The following HLCS variants were observed in gnomAD, a reference collection of about 807,000 sequenced individuals.
HLCS encodes biotin--protein ligase.
A neutral mutation model predicts 75.0 loss-of-function variants in HLCS; 53 were observed. That is an observed-to-expected ratio of 0.71 (90% confidence interval 0.57 to 0.89). The LOEUF (loss-of-function observed/expected upper bound fraction) is 0.89. Ranked by LOEUF, HLCS falls within the 40% of genes least tolerant of loss-of-function variation. HLCS has a pLI of 0.00. For synonymous variants in HLCS, 431 were observed against 428.6 expected (o/e 1.01, Z -0.07); for missense variants, 966 against 1,074.0 (o/e 0.90, Z 1.41).
At chr21:36,855,892 TAA>T (rs1278378351) in intron 6 of HLCS, among the ~76,000 whole-genome samples, 4 of 152,144 alleles carry the variant, frequency 2.6e-5, no homozygotes, top group Non-Finnish European at 5.9e-5. Flanking sequence ...ATATTTGTTA[TAA>T]AAAGAGATAT....
chr21:36,824,407 A>G (rs1313101433), intron 6 of HLCS, among the ~76,000 whole-genome samples: 1 of 152,176 alleles, frequency 6.6e-6, no homozygotes, highest in Non-Finnish European at 1.5e-5. Flanking sequence ...ACATGGACAC[A>G]GGGAGGGGAA....
chr21:36,803,938 A>T (rs928470544), intron 6 of HLCS: 11 of 152,270 alleles, frequency 7.2e-5, no homozygotes, highest in African/African-American at 2.7e-4. Context: ...CCAGACCATG[A>T]GCTTTTAGGG....
At chr21:36,861,945 C>A (rs370872200) in intron 6 of HLCS, among the ~76,000 whole-genome samples, 1 of 152,296 alleles carries the variant, frequency 6.6e-6, no homozygotes, top group East Asian at 1.9e-4. Context: ...TCCTCCACCC[C>A]CCTCAACCAA....
At chr21:36,855,222 A>G (rs997208854) in intron 6 of HLCS, among the ~76,000 whole-genome samples, 1 of 152,142 alleles carries the variant, frequency 6.6e-6, no homozygotes, top group Non-Finnish European at 1.5e-5. Flanking sequence ...TCGTTTATAT[A>G]ATGTATAAAT....
In HLCS at chr21:36,785,237, A is replaced by G. The variant is rs117240262; in HGVS notation, c.1893-17952T>C. On this transcript the variant is annotated intron_variant, in intron 6 of 10. Transcript: ENST00000674895. The stretch of plus-strand genomic sequence containing the variant: ...TGCCAGAGATCAACCAACACGCCAG[A>G]GCTCGTTTGCCGGGATGCTTAGCAC... 6.0e-4 allele frequency among the ~76,000 whole-genome samples: 92 copies of G among 152,156 alleles called. 3 individuals are homozygous for G. The East Asian group carries it at 0.017, about 28-fold the overall frequency.
intron 2 of HLCS, among the ~76,000 whole-genome samples, chr21:36,956,279 C>T (rs764276431): frequency 6.6e-5 from 10 of 151,830 alleles, no homozygotes; most frequent in Non-Finnish European, 1.2e-4. Context: ...GTAGTTCTAG[C>T]GGTGAGTTCA....
intron 2 of HLCS, among the ~76,000 whole-genome samples, chr21:36,954,727 T>C (rs1450253377): frequency 1.4e-5 from 2 of 147,718 alleles, no homozygotes; most frequent in African/African-American, 5.0e-5. Context: ...TTTTAGAGTG[T>C]ACTCCTTCTA....
At chr21:36,938,009 A>T (rs1229017578) in intron 3 of HLCS, among the ~76,000 whole-genome samples, 1 of 152,216 alleles carries the variant, frequency 6.6e-6, no homozygotes, top group Non-Finnish European at 1.5e-5. Flanking sequence ...CTGATAAGGG[A>T]CATTTATTTG....
At position 36,937,236 on chromosome 21, in the gene HLCS, C is replaced by T. The variant is rs1457679125; in HGVS notation, c.650G>A (p.Gly217Asp). Residue 217 changes from glycine to aspartate, a missense_variant, in exon 4 of 11, where the codon GGT becomes GAT. Coordinates refer to ENST00000674895, the MANE Select transcript of HLCS (RefSeq NM_001352514.2). ...GCCTCTCCTTTGTTTGGGTTCTTCA[C>T]CAAGAGCCTTTGGGTCATCTCTGCC... The part of the protein sequence containing the change: ...HVGRDDPKAL[G>D]EEPKQRRGSA... 6.2e-7 allele frequency: 1 copy of T among 1,614,084 alleles called. No homozygotes were observed. The highest frequency in any genetic ancestry group is 8.5e-7 in the Non-Finnish European group (1 of 1,180,000).
At chr21:36,818,987 T>C (rs926101567) in intron 6 of HLCS, among the ~76,000 whole-genome samples, 1 of 152,098 alleles carries the variant, frequency 6.6e-6, no homozygotes, top group Non-Finnish European at 1.5e-5. Context: ...CAAGACTGAC[T>C]GCGACAAATT....
intron 1 of HLCS, chr21:36,971,879 A>C (rs1296945737): frequency 6.6e-6 from 1 of 152,130 alleles, no homozygotes; most frequent in Non-Finnish European, 1.5e-5. Context: ...TATCCTCAAT[A>C]AAATTTAAAT....
chr21:36,905,412 T>C (rs764868418), intron 5 of HLCS, among the ~76,000 whole-genome samples: 5 of 152,190 alleles, frequency 3.3e-5, no homozygotes, highest in East Asian at 1.9e-4. Flanking sequence ...GCTAGTTCTA[T>C]TGACAACAAA....
rs1012251175 is a variant in HLCS, at chr21:36,966,477, A to T, written c.162T>A (p.Arg54=). Residue 54 remains arginine (R), a synonymous_variant, in exon 1 of 11, where the codon CGT becomes CGA. Coordinates refer to ENST00000674895, the MANE Select transcript of HLCS (RefSeq NM_001352514.2). ...QPPGARVCLS[R]GGRVFCVSDS... ...CGCTGACGCAGAAGACGCGGCCGCC[A>T]CGGCTCAGGCACACGCGGGCGCCCG... 2 of 942,458 alleles carry T rather than the reference A, an allele frequency of 2.1e-6. No homozygotes were observed. The highest frequency in any genetic ancestry group is 4.2e-5 in the African/African-American group (2 of 47,980). The allele number at this position is 942,458 out of a possible 1,614,324, so 58.4% of individuals were successfully genotyped here.
intron 6 of HLCS, among the ~76,000 whole-genome samples, chr21:36,813,049 A>C (rs140982277): frequency 2.6e-4 from 39 of 152,308 alleles, no homozygotes; most frequent in Middle Eastern, 6.8e-3. Flanking sequence ...ACAGAGCGAG[A>C]TTCTGTCTCA....
chr21:36,823,024 T>C (rs1419569763), intron 6 of HLCS, among the ~76,000 whole-genome samples: 2 of 152,234 alleles, frequency 1.3e-5, no homozygotes, highest in Non-Finnish European at 2.9e-5. Flanking sequence ...AGCCTGGACT[T>C]CTCGTGTGTG....
At chr21:36,862,795 G>C (rs999549451) in intron 6 of HLCS, among the ~76,000 whole-genome samples, 3 of 152,116 alleles carry the variant, frequency 2.0e-5, no homozygotes, top group African/African-American at 7.2e-5. Context: ...GACCTGGAAG[G>C]GGAAGGAAGA....
At chr21:36,986,570 C>T (rs2069233491) in intron 1 of HLCS, among the ~76,000 whole-genome samples, 2 of 152,328 alleles carry the variant, frequency 1.3e-5, no homozygotes, top group South Asian at 4.1e-4. Flanking sequence ...AGGCATGTAC[C>T]ACCATGCCCA....
In HLCS at chr21:36,851,966, C is replaced by T. The variant is rs73902755; in HGVS notation, c.1892+44894G>A. 370 of 152,356 alleles carry T rather than the reference C, an allele frequency of 2.4e-3. 1 individual carries two copies. Among genetic ancestry groups the T allele is most frequent in the African/African-American group, 8.6e-3 (356 of 41,580 alleles). The allele number at this position is 152,356 out of a possible 1,614,324, so 9.4% of individuals were successfully genotyped here. ...TGCTTGTCCGATCACGGACGCTAAG[C>T]GGGGTTGGGCCTGGCTAGTACTTGC... On this transcript the variant is annotated intron_variant, in intron 6 of 10. Coordinates refer to ENST00000674895, the MANE Select transcript of HLCS (RefSeq NM_001352514.2).
chr21:36,829,626 G>A (rs1447792911), intron 6 of HLCS, among the ~76,000 whole-genome samples: 1 of 152,012 alleles, frequency 6.6e-6, no homozygotes, highest in Non-Finnish European at 1.5e-5. Flanking sequence ...TTCTCAATGG[G>A]TTCACGGTGC....
Sources: gnomAD v4.1 joint callset for allele counts (sites outside exome capture counted in the v4.1 genomes callset) on GRCh38, gnomAD v4.1.1 for gene constraint, MANE v1.5 for transcripts, NCBI Gene and HGNC (gene_info 2026-07-23, HGNC 2026-07-21) for gene names.